Variants in OSBP2 observed in about 807,000 individuals in gnomAD.
The protein encoded by OSBP2 is oxysterol-binding protein 2.
A neutral mutation model predicts 96.0 loss-of-function variants in OSBP2; 66 were observed. The observed-to-expected ratio is 0.69, with a 90% CI of 0.56 to 0.84. The LOEUF (loss-of-function observed/expected upper bound fraction) is 0.84, where lower values mean the gene tolerates loss of function less well. Ranked by LOEUF, OSBP2 falls within the 40% of genes least tolerant of loss-of-function variation. OSBP2 has a pLI of 0.00. For synonymous variants in OSBP2, 525 were observed against 520.9 expected (o/e 1.01, Z -0.11); for missense variants, 1,038 against 1,222.7 (o/e 0.85, Z 2.25).
At chr22:30,886,209 T>C (rs2039805680) in intron 3 of OSBP2, among the ~76,000 whole-genome samples, 1 of 152,216 alleles carries the variant, frequency 6.6e-6, no homozygotes, top group African/African-American at 2.4e-5. Flanking sequence ...CAAATACATT[T>C]AAGAAATACA....
chr22:30,709,708 T>A (rs549670611), intron 1 of OSBP2, among the ~76,000 whole-genome samples: 166 of 150,192 alleles, frequency 1.1e-3, no homozygotes, highest in East Asian at 9.4e-3. Flanking sequence ...TAAAAAAAAT[T>A]TTTTTTTTTT....
chr22:30,780,220 C>A (rs1349407650), intron 2 of OSBP2, among the ~76,000 whole-genome samples: 1 of 152,198 alleles, frequency 6.6e-6, no homozygotes, highest in Non-Finnish European at 1.5e-5. Flanking sequence ...TTTCCTGCAC[C>A]CCAGTGCTAA....
rs755105525 is a variant in OSBP2, at chr22:30,870,415, A to G, written c.854-14A>G. Reference sequence around the variant, plus strand: ...TGTTCGTAATGACCGTAACAACTCTATTTTCTTCCACAGATGACTCTGGGG... The same window carrying G: ...TGTTCGTAATGACCGTAACAACTCTGTTTTCTTCCACAGATGACTCTGGGG... On this transcript the variant is annotated splice_polypyrimidine_tract_variant and intron_variant, in intron 2 of 13. Transcript: ENST00000332585. The surrounding 1 kb of genome is among the most constrained non-coding windows in gnomAD (Gnocchi z 4.1). 5.0e-5 allele frequency: 81 copies of G among 1,612,640 alleles called. No homozygotes were observed. The highest frequency in any genetic ancestry group is 1.3e-4 in the South Asian group (12 of 91,042).
intron 2 of OSBP2, among the ~76,000 whole-genome samples, chr22:30,748,988 C>G (rs1052330495): frequency 6.6e-6 from 1 of 152,026 alleles, no homozygotes; most frequent in Non-Finnish European, 1.5e-5. Context: ...TAGTAGCGCA[C>G]GCCTGTAATC....
intron 2 of OSBP2, among the ~76,000 whole-genome samples, chr22:30,785,967 C>T (rs2090583162): frequency 6.6e-6 from 1 of 152,092 alleles, no homozygotes; most frequent in Non-Finnish European, 1.5e-5. Flanking sequence ...TTATAAATTA[C>T]CCAGTCTCAG....
chr22:30,698,924 A>C (rs1210771136), intron 1 of OSBP2, among the ~76,000 whole-genome samples: 1 of 151,866 alleles, frequency 6.6e-6, no homozygotes, highest in African/African-American at 2.4e-5. Flanking sequence ...TAATATTTAA[A>C]AGTCCATATT....
At chr22:30,834,105 A>G (rs1282114833) in intron 2 of OSBP2, among the ~76,000 whole-genome samples, 1 of 151,844 alleles carries the variant, frequency 6.6e-6, no homozygotes, top group East Asian at 1.9e-4. Flanking sequence ...GCTGGGGTGC[A>G]GTGGTGTGAT....
At chr22:30,765,588 G>A (rs1161100101) in intron 2 of OSBP2, among the ~76,000 whole-genome samples, 8 of 152,206 alleles carry the variant, frequency 5.3e-5, no homozygotes, top group South Asian at 2.1e-4. Context: ...AGCACAGTCC[G>A]CTCTGTCAGA....
intron 2 of OSBP2, among the ~76,000 whole-genome samples, chr22:30,857,415 A>T (rs2039101491): frequency 6.6e-6 from 1 of 152,224 alleles, no homozygotes. Flanking sequence ...CTTTAAGCTG[A>T]GAACCCCATT....
At chr22:30,707,759 T>C (rs1341420050) in intron 1 of OSBP2, among the ~76,000 whole-genome samples, 1 of 152,032 alleles carries the variant, frequency 6.6e-6, no homozygotes, top group African/African-American at 2.4e-5. Flanking sequence ...ATTTTGTGTT[T>C]TGTTCCTAGT....
chr22:30,746,409 G>A (rs2090000032), intron 2 of OSBP2, among the ~76,000 whole-genome samples: 1 of 150,668 alleles, frequency 6.6e-6, no homozygotes, highest in Non-Finnish European at 1.5e-5. Context: ...GAGCAGTGGA[G>A]TGAGACCCTG....
chr22:30,710,912 A>AT (rs900419172), intron 1 of OSBP2, among the ~76,000 whole-genome samples: 5 of 147,348 alleles, frequency 3.4e-5, no homozygotes, highest in African/African-American at 1.3e-4. Context: ...CGCCCGGCTA[A>AT]TTTTTGTATT....
At chr22:30,898,100 CAAAG>C (rs954351130) in intron 12 of OSBP2, among the ~76,000 whole-genome samples, 5 of 151,956 alleles carry the variant, frequency 3.3e-5, no homozygotes, top group Admixed American at 1.3e-4. Flanking sequence ...CATAGAAATC[CAAAG>C]AAAGAAGAAA....
intron 3 of OSBP2, among the ~76,000 whole-genome samples, chr22:30,873,335 CTCACCCGCACCCTGG>C (rs1404157395): frequency 2.0e-5 from 3 of 152,146 alleles, no homozygotes; most frequent in Admixed American, 6.5e-5. Context: ...GCGGGGCAGC[CTCACCCGCACCCTGG>C]GCGGGATCCC....
At chr22:30,782,647 A>G (rs1004140725) in intron 2 of OSBP2, among the ~76,000 whole-genome samples, 1 of 152,204 alleles carries the variant, frequency 6.6e-6, no homozygotes, top group African/African-American at 2.4e-5. Flanking sequence ...TGGACGCACC[A>G]CAGTGTATTT....
At chr22:30,902,821 C>T in intron 12 of OSBP2, 1 of 364,716 alleles carries the variant, frequency 2.7e-6, no homozygotes, top group East Asian at 7.1e-5. Context: ...GGGGTTGGAG[C>T]AGGACCACAG....
rs529589096 is a variant in OSBP2 at position 30,709,646 on chromosome 22, G to A, written c.644+14093G>A. Among the ~76,000 whole-genome samples, 4 of 151,774 alleles carry A rather than the reference G, an allele frequency of 2.6e-5. No homozygotes were observed. The South Asian group carries it at 8.3e-4, about 32-fold the overall frequency. On this transcript the variant is annotated intron_variant, in intron 1 of 13. Transcript: ENST00000332585. ...TTCTCCTGCCTCAGCCTCCTGAAGT[G>A]CTGAGATTACAGGCATGAGCCACCG...
chr22:30,734,428 C>T (rs561779140), intron 1 of OSBP2, among the ~76,000 whole-genome samples: 1 of 152,286 alleles, frequency 6.6e-6, no homozygotes, highest in South Asian at 2.1e-4. Flanking sequence ...ACCACTGCAG[C>T]TTGCAGGGCC....
At chr22:30,840,462 T>C (rs1169627968) in intron 2 of OSBP2, among the ~76,000 whole-genome samples, 1 of 152,110 alleles carries the variant, frequency 6.6e-6, no homozygotes, top group Non-Finnish European at 1.5e-5. Flanking sequence ...GGTCCAGTGA[T>C]TACAATTTGA....
Sources: allele counts gnomAD v4.1 joint callset (sites outside exome capture counted in the v4.1 genomes callset), GRCh38; gene constraint gnomAD v4.1.1; non-coding constraint Gnocchi (gnomAD v3.1); transcripts MANE v1.5; gene names NCBI Gene and HGNC (gene_info 2026-07-23, HGNC 2026-07-21).